The following ADCY5 variants were observed in gnomAD, a reference collection of about 807,000 sequenced individuals.
The protein encoded by ADCY5 is adenylate cyclase 5.
Under a neutral mutation model 119.7 loss-of-function variants are expected in ADCY5, and 30 were observed. That is an observed-to-expected ratio of 0.25 (90% CI 0.19 to 0.34). The LOEUF (loss-of-function observed/expected upper bound fraction) is 0.34. ADCY5 is among the 10% of genes least tolerant of loss of function. ADCY5 has a pLI of 1.00. For synonymous variants in ADCY5, 753 were observed against 762.2 expected, an observed-to-expected ratio of 0.99 and a Z score of 0.20; for missense variants, 1,324 against 1,775.2, an observed-to-expected ratio of 0.75 and a Z score of 4.57.
intron 12 of ADCY5, among the ~76,000 whole-genome samples, chr3:123,310,062 G>T (rs1940456964): frequency 6.8e-6 from 1 of 147,310 alleles, no homozygotes; most frequent in Non-Finnish European, 1.5e-5. Context: ...TAGACCAAAA[G>T]AAAAGCAAGC....
chr3:123,308,559 G>A (rs1940344726), intron 12 of ADCY5, among the ~76,000 whole-genome samples: 1 of 151,722 alleles, frequency 6.6e-6, no homozygotes, highest in South Asian at 2.1e-4. Flanking sequence ...GCCACGCGCA[G>A]TGGCTCATGC....
chr3:123,396,781 GGC>G (rs1331603884), intron 1 of ADCY5, among the ~76,000 whole-genome samples: 1 of 89,782 alleles, frequency 1.1e-5, no homozygotes, highest in African/African-American at 4.5e-5. Context: ...AAGGAAGGAA[GGC>G]AGGCAGGCAG....
intron 1 of ADCY5, among the ~76,000 whole-genome samples, chr3:123,373,568 G>C (rs1282847832): frequency 1.3e-5 from 2 of 152,232 alleles, no homozygotes; most frequent in African/African-American, 4.8e-5. Flanking sequence ...TGGGGAGTTA[G>C]GACAGAGGTC....
intron 1 of ADCY5, among the ~76,000 whole-genome samples, chr3:123,362,501 G>A (rs1943281390): frequency 6.6e-6 from 1 of 152,168 alleles, no homozygotes; most frequent in South Asian, 2.1e-4. Context: ...TTTATGTTTT[G>A]TTATTTTTAA....
At chr3:123,357,981 G>A (rs1943098891) in intron 1 of ADCY5, among the ~76,000 whole-genome samples, 1 of 152,132 alleles carries the variant, frequency 6.6e-6, no homozygotes, top group South Asian at 2.1e-4. Flanking sequence ...CATAAAGACA[G>A]GCAAAGTAAA....
At chr3:123,285,153 G>GT (rs1009825157) in intron 20 of ADCY5, among the ~76,000 whole-genome samples, 7 of 152,146 alleles carry the variant, frequency 4.6e-5, no homozygotes, top group African/African-American at 1.7e-4. Context: ...GCATCCCTCC[G>GT]TGACAGATCA....
intron 1 of ADCY5, among the ~76,000 whole-genome samples, chr3:123,432,414 G>C (rs1945539297): frequency 6.6e-6 from 1 of 152,234 alleles, no homozygotes; most frequent in Non-Finnish European, 1.5e-5. Context: ...AAGGAACCGG[G>C]TGGAGGGAGA....
At chr3:123,300,044 C>T in intron 15 of ADCY5, 76 bp downstream of exon 15, 1 of 1,513,748 alleles carries the variant, frequency 6.6e-7, no homozygotes, top group South Asian at 1.2e-5. Context: ...GGTGCCAGAA[C>T]CCTAAACCTC....
intron 1 of ADCY5, among the ~76,000 whole-genome samples, chr3:123,421,933 C>G (rs1349312647): frequency 2.6e-5 from 4 of 152,166 alleles, no homozygotes; most frequent in African/African-American, 9.7e-5. Context: ...GGAGCCAGCC[C>G]CTCAACTCAC....
At chr3:123,422,969 C>T (rs1028999548) in intron 1 of ADCY5, among the ~76,000 whole-genome samples, 2 of 152,194 alleles carry the variant, frequency 1.3e-5, no homozygotes, top group African/African-American at 4.8e-5. Flanking sequence ...TTCCCTGTTT[C>T]CCTCCTGGGA....
rs570821775 is a variant in ADCY5 at position 123,291,067 on chromosome 3, T to C, written c.3327+46A>G. 44 of 1,572,844 alleles carry C rather than the reference T, an allele frequency of 2.8e-5. No individual in the cohort carries two copies. In the African/African-American group the frequency reaches 4.6e-4, roughly 16 times the overall value. On this transcript the variant is annotated intron_variant, in intron 18 of 20. Transcript: ENST00000462833. ...ACATCCCTCCCATACCAGGGACTTG[T>C]AGGCCCCTCCCAGGAACACAGCCTG...
intron 8 of ADCY5, among the ~76,000 whole-genome samples, chr3:123,324,818 A>C (rs1326928488): frequency 6.6e-6 from 1 of 152,216 alleles, no homozygotes; most frequent in African/African-American, 2.4e-5. Context: ...TTCTCAGCAC[A>C]GAGGGCAAAG....
intron 19 of ADCY5, among the ~76,000 whole-genome samples, chr3:123,287,412 C>A (rs144704480): frequency 6.6e-6 from 1 of 152,208 alleles, no homozygotes; most frequent in South Asian, 2.1e-4. Context: ...GTTCTCTCTC[C>A]TCCTCCCCAG....
At chr3:123,413,075 CCT>C (rs1945096821) in intron 1 of ADCY5, among the ~76,000 whole-genome samples, 1 of 152,212 alleles carries the variant, frequency 6.6e-6, no homozygotes, top group South Asian at 2.1e-4. Flanking sequence ...GACGCCGGCT[CCT>C]CCGGGACGGG....
chr3:123,407,554 C>A (rs1418767044), intron 1 of ADCY5, among the ~76,000 whole-genome samples: 1 of 144,096 alleles, frequency 6.9e-6, no homozygotes, highest in East Asian at 2.0e-4. Context: ...AAGGTTAAGA[C>A]CAGCCTGGGC....
At position 123,309,284 on chromosome 3, in the gene ADCY5, A is replaced by T. The variant is rs569673353; in HGVS notation, c.2442+4951T>A. On this transcript the variant is annotated intron_variant, in intron 12 of 20. Transcript: ENST00000462833. ...CTCTTTGACAAGGAGCTAATAAAAGATGCAGTAGCTCCTACTTCAGAAAAA... is the reference window on the plus strand; with the variant it reads ...CTCTTTGACAAGGAGCTAATAAAAGTTGCAGTAGCTCCTACTTCAGAAAAA... Among the ~76,000 whole-genome samples the T allele has an allele frequency of 5.9e-5, 9 of 152,350 alleles. No individual in the cohort carries two copies. The East Asian group carries it at 1.5e-3, about 26-fold the overall frequency.
At chr3:123,399,230 A>G (rs76468402) in intron 1 of ADCY5, among the ~76,000 whole-genome samples, 2 of 152,378 alleles carry the variant, frequency 1.3e-5, no homozygotes, top group Non-Finnish European at 2.9e-5. Context: ...TATTTTTCAT[A>G]TTGGTTACCT....
At position 123,352,333 on chromosome 3, in the gene ADCY5, G is replaced by T; in HGVS notation, c.1284+99C>A. On this transcript the variant is annotated intron_variant, in intron 2 of 20. Transcript: ENST00000462833. This position sits in a 1 kb window ranked among gnomAD's most constrained non-coding sequence, Gnocchi z 4.8. ...CCCCTCCCGGGGAGTGGGGCTGGCA[G>T]CCGTAATAAGCACTGCCCGCCCTAG... 7.1e-7 allele frequency: 1 copy of T among 1,414,856 alleles called. No homozygotes were observed. The allele number at this position is 1,414,856 out of a possible 1,614,324, so 87.6% of individuals were successfully genotyped here. A position where few individuals can be genotyped will look rare whatever the true frequency, so the allele number is the denominator to read the frequency against.
At chr3:123,396,320 A>C (rs1364210482) in intron 1 of ADCY5, among the ~76,000 whole-genome samples, 3 of 147,060 alleles carry the variant, frequency 2.0e-5, no homozygotes, top group Non-Finnish European at 4.5e-5. Context: ...AAAGATGAAA[A>C]AGGAAAGGAA....
Sources: gnomAD v4.1 joint callset for allele counts (sites outside exome capture counted in the v4.1 genomes callset) on GRCh38, gnomAD v4.1.1 for gene constraint, Gnocchi (gnomAD v3.1) non-coding constraint, MANE v1.5 for transcripts, NCBI Gene and HGNC (gene_info 2026-07-23, HGNC 2026-07-21) for gene names.